The following PARD3 variants were observed in gnomAD, a reference collection of about 807,000 sequenced individuals.
PARD3 encodes the protein partitioning defective 3 homolog.
A neutral mutation model predicts 155.4 loss-of-function variants in PARD3; 75 were observed. That is an observed-to-expected ratio of 0.48 (90% confidence interval 0.40 to 0.58). The LOEUF is 0.58. Among genes scored for constraint, PARD3 ranks in the 20% least tolerant of loss-of-function variants. The probability of loss-of-function intolerance (pLI) is 0.00; values close to 1 mark genes in which losing one functional copy is unlikely to be tolerated. For synonymous variants in PARD3, 576 were observed against 610.5 expected, an observed-to-expected ratio of 0.94 and a Z score of 0.83; for missense variants, 1,642 against 1,721.7, an observed-to-expected ratio of 0.95 and a Z score of 0.82.
Position 34,111,493 on chromosome 10 carries a change from G to A in PARD3, c.3738C>T (p.Gly1246=). ...TGGGGTTCTCTTTGGCACTCTGGAAGCCTTCCCCAGGGGAGTAGTTCTGCT... is the reference window on the plus strand; with the variant it reads ...TGGGGTTCTCTTTGGCACTCTGGAAACCTTCCCCAGGGGAGTAGTTCTGCT... ...SWEQNYSPGE[G]FQSAKENPRY... is the part of the protein sequence containing the mutation. Residue 1246 remains glycine, a synonymous_variant, in exon 25 of 25, where the codon GGC becomes GGT. Transcript: ENST00000374788. The A allele has an allele frequency of 6.2e-7, 1 of 1,614,120 alleles. No individual in the cohort carries two copies. The highest frequency in any genetic ancestry group is 8.5e-7 in the Non-Finnish European group (1 of 1,179,990).
chr10:34,449,484 G>C (rs1220504954), intron 5 of PARD3, among the ~76,000 whole-genome samples: 1 of 149,910 alleles, frequency 6.7e-6, no homozygotes, highest in East Asian at 2.0e-4. Context: ...AAAGCATTAG[G>C]AGATATACCT....
At chr10:34,687,408 A>C (rs1238451325) in intron 2 of PARD3, among the ~76,000 whole-genome samples, 2 of 152,130 alleles carry the variant, frequency 1.3e-5, no homozygotes, top group African/African-American at 4.8e-5. Flanking sequence ...TTTCTAACGG[A>C]ACTGGCCAAA....
intron 21 of PARD3, among the ~76,000 whole-genome samples, chr10:34,271,989 T>C (rs1589011971): frequency 6.6e-6 from 1 of 152,238 alleles, no homozygotes; most frequent in African/African-American, 2.4e-5. Flanking sequence ...AGCCAAACTT[T>C]CGTTTATGTA....
At chr10:34,291,806 C>A (rs925062958) in intron 20 of PARD3, among the ~76,000 whole-genome samples, 3 of 152,158 alleles carry the variant, frequency 2.0e-5, no homozygotes, top group African/African-American at 4.8e-5. Flanking sequence ...CAACACTTTG[C>A]GAGGCCAAGG....
chr10:34,289,113 A>G (rs1014659329), intron 20 of PARD3, among the ~76,000 whole-genome samples: 2 of 151,784 alleles, frequency 1.3e-5, no homozygotes, highest in Non-Finnish European at 2.9e-5. Flanking sequence ...GGTGCATGGT[A>G]CCTACCATGC....
intron 24 of PARD3, among the ~76,000 whole-genome samples, chr10:34,116,438 T>C (rs904306243): frequency 2.6e-5 from 4 of 152,194 alleles, no homozygotes; most frequent in African/African-American, 9.7e-5. Flanking sequence ...TTGAAGAATA[T>C]CACATGTCAG....
chr10:34,261,117 T>C (rs1199250593), intron 22 of PARD3, among the ~76,000 whole-genome samples: 1 of 152,218 alleles, frequency 6.6e-6, no homozygotes, highest in African/African-American at 2.4e-5. Context: ...GTTCGTATTT[T>C]ATTCCCATTA....
At chr10:34,629,024 AAG>A (rs2092129525) in intron 2 of PARD3, among the ~76,000 whole-genome samples, 1 of 152,178 alleles carries the variant, frequency 6.6e-6, no homozygotes, top group South Asian at 2.1e-4. Context: ...AAAATGGGGA[AAG>A]AGGGGTGTTA....
At chr10:34,529,107 G>C (rs1460226707) in intron 2 of PARD3, among the ~76,000 whole-genome samples, 1 of 152,198 alleles carries the variant, frequency 6.6e-6, no homozygotes, top group East Asian at 1.9e-4. Flanking sequence ...CCAGTTCCTG[G>C]GACACAACTG....
intron 2 of PARD3, among the ~76,000 whole-genome samples, chr10:34,610,011 C>T (rs888764949): frequency 1.3e-5 from 2 of 152,098 alleles, no homozygotes; most frequent in African/African-American, 2.4e-5. Context: ...AAAACTTAGG[C>T]GGAGGCCAAC....
intron 22 of PARD3, among the ~76,000 whole-genome samples, chr10:34,259,462 A>T (rs1441794918): frequency 6.6e-6 from 1 of 152,142 alleles, no homozygotes; most frequent in Non-Finnish European, 1.5e-5. Flanking sequence ...TTCAGTCAAT[A>T]GGGCAGCAGC....
chr10:34,301,843 T>A (rs1957168891), intron 20 of PARD3, among the ~76,000 whole-genome samples: 2 of 121,502 alleles, frequency 1.6e-5, no homozygotes, highest in African/African-American at 6.3e-5. Flanking sequence ...TTTTTTAACA[T>A]CAAATCAAAT....
intron 4 of PARD3, among the ~76,000 whole-genome samples, chr10:34,466,093 C>G (rs2077989786): frequency 6.6e-6 from 1 of 152,072 alleles, no homozygotes; most frequent in Admixed American, 6.6e-5. Flanking sequence ...CAAAATGTTC[C>G]CTAAAACAGT....
intron 2 of PARD3, among the ~76,000 whole-genome samples, chr10:34,575,710 A>C (rs575079046): frequency 3.3e-5 from 5 of 152,116 alleles, no homozygotes; most frequent in African/African-American, 1.2e-4. Flanking sequence ...AGCCTGGCCA[A>C]CATCGTGAAA....
intron 2 of PARD3, among the ~76,000 whole-genome samples, chr10:34,633,578 T>C (rs1452183591): frequency 6.6e-6 from 1 of 152,220 alleles, no homozygotes; most frequent in Non-Finnish European, 1.5e-5. Flanking sequence ...CATTTATCCA[T>C]CCGTCCAACG....
intron 1 of PARD3, among the ~76,000 whole-genome samples, chr10:34,789,665 C>T (rs4934657): frequency 0.35 from 53,607 of 151,936 alleles, 10,598 homozygotes; most frequent in African/African-American, 0.55. Flanking sequence ...GATAGCACCA[C>T]TGCACTCTAA....
intron 14 of PARD3, among the ~76,000 whole-genome samples, chr10:34,356,098 A>C (rs1838846670): frequency 6.6e-6 from 1 of 152,154 alleles, no homozygotes; most frequent in African/African-American, 2.4e-5. Flanking sequence ...AGACACTTTG[A>C]GAATGACATA....
intron 1 of PARD3, among the ~76,000 whole-genome samples, chr10:34,796,814 G>A (rs1032841724): frequency 1.3e-5 from 2 of 152,164 alleles, no homozygotes; most frequent in Middle Eastern, 3.4e-3. Context: ...GCAAAACCCC[G>A]TCTCTACTAA....
At chr10:34,362,245 G>A (rs549845993) in intron 12 of PARD3, among the ~76,000 whole-genome samples, 2 of 152,294 alleles carry the variant, frequency 1.3e-5, no homozygotes, top group South Asian at 4.1e-4. Context: ...CTTGCAGTGA[G>A]TGGAGACCAT....
Sources: gnomAD v4.1 joint callset for allele counts (sites outside exome capture counted in the v4.1 genomes callset) on GRCh38, gnomAD v4.1.1 for gene constraint, MANE v1.5 for transcripts, NCBI Gene and HGNC (gene_info 2026-07-23, HGNC 2026-07-21) for gene names.